MACF1: variants seen among roughly 807,000 people sequenced by gnomAD.
MACF1 encodes microtubule actin crosslinking factor 1, also known as microtubule-actin cross-linking factor 1.
MACF1 carries 193 observed loss-of-function variants against 854.8 expected under a neutral mutation model. The observed-to-expected ratio is 0.23, with a 90% CI of 0.20 to 0.25. The LOEUF (loss-of-function observed/expected upper bound fraction) is 0.25. MACF1 is among the 10% of genes least tolerant of loss of function. The probability of loss-of-function intolerance (pLI) is 1.00; values close to 1 mark genes in which losing one functional copy is unlikely to be tolerated. For missense variants in MACF1, 7,722 were observed against 8,929.1 expected (o/e 0.86, Z 5.45); for synonymous variants, 3,185 against 3,226.7 (o/e 0.99, Z 0.44).
intron 58 of MACF1, among the ~76,000 whole-genome samples, chr1:39,399,563 G>T (rs1006232022): frequency 6.6e-6 from 1 of 151,956 alleles, no homozygotes; most frequent in African/African-American, 2.4e-5. Context: ...TTTTAGTAGA[G>T]ACAGGGTTTC....
chr1:39,114,172 A>G (rs1343189252), intron 2 of MACF1, among the ~76,000 whole-genome samples: 2 of 133,844 alleles, frequency 1.5e-5, no homozygotes, highest in South Asian at 2.6e-4. Flanking sequence ...AAAGCTCTGT[A>G]TACTTTACTG....
intron 62 of MACF1, 45 bp from the exon 63 acceptor site, chr1:39,427,916 A>G: frequency 1.4e-6 from 2 of 1,411,908 alleles, no homozygotes; most frequent in Non-Finnish European, 1.9e-6. Context: ...TTTACTTTTC[A>G]TTTATTTTGT....
At chr1:39,107,535 C>T (rs1305903331) in intron 2 of MACF1, among the ~76,000 whole-genome samples, 1 of 152,088 alleles carries the variant, frequency 6.6e-6, no homozygotes, top group East Asian at 1.9e-4. Flanking sequence ...ATCTCTCTTC[C>T]CCCCACTGCA....
intron 2 of MACF1, among the ~76,000 whole-genome samples, chr1:39,232,754 T>G (rs1191751417): frequency 1.7e-5 from 1 of 58,326 alleles, no homozygotes; most frequent in South Asian, 9.2e-4. Context: ...TTGTTTTTTT[T>G]TTTTTTTTTT....
At chr1:39,468,859 T>C in intron 96 of MACF1, 127 bp downstream of exon 96, 1 of 823,674 alleles carries the variant, frequency 1.2e-6, no homozygotes, top group Non-Finnish European at 2.0e-6. Context: ...CCAGGTGTCA[T>C]CCCACTAGCA....
intron 2 of MACF1, among the ~76,000 whole-genome samples, chr1:39,130,564 C>T (rs1642975915): frequency 6.6e-6 from 1 of 152,150 alleles, no homozygotes; most frequent in African/African-American, 2.4e-5. Flanking sequence ...ATCAAGTTTC[C>T]TGGGTGCGGT....
At position 39,174,756 on chromosome 1, in the gene MACF1, G is replaced by A. The variant is rs573124218; in HGVS notation, c.221-56426G>A. 2.6e-5 allele frequency among the ~76,000 whole-genome samples: 4 copies of A among 152,306 alleles called. No individual in the cohort carries two copies. In the East Asian group the frequency reaches 5.8e-4, roughly 22 times the overall value. ...CCAGGAAAGCTTGAACCAAGGTATAGAGAAAGGGCCCCTGATCCTCCAAAT... is the reference window on the plus strand; with the variant it reads ...CCAGGAAAGCTTGAACCAAGGTATAAAGAAAGGGCCCCTGATCCTCCAAAT... On this transcript the variant is annotated intron_variant, in intron 2 of 93. Coordinates refer to the MACF1 transcript ENST00000361689.
intron 2 of MACF1, among the ~76,000 whole-genome samples, chr1:39,111,061 T>C (rs944730150): frequency 2.0e-5 from 3 of 152,346 alleles, no homozygotes; most frequent in African/African-American, 7.2e-5. Flanking sequence ...TGAGCCATGT[T>C]GTGACTAGGT....
intron 2 of MACF1, among the ~76,000 whole-genome samples, chr1:39,117,533 G>GGTGTGTGTGTGTGT (rs67609869): frequency 5.4e-5 from 8 of 147,726 alleles, no homozygotes; most frequent in African/African-American, 1.3e-4. Flanking sequence ...ACCTGCAAGA[G>GGTGTGTGTGTGTGT]GTGTGTGTGT....
chr1:39,355,816 G>A (rs1280396930), intron 44 of MACF1, among the ~76,000 whole-genome samples: 3 of 152,128 alleles, frequency 2.0e-5, no homozygotes, highest in Non-Finnish European at 4.4e-5. Context: ...AGGCTGAAGT[G>A]CAGTGGTACG....
At chr1:39,306,316 C>T (rs551850206) in intron 23 of MACF1, among the ~76,000 whole-genome samples, 4 of 151,968 alleles carry the variant, frequency 2.6e-5, no homozygotes, top group East Asian at 1.9e-4. Flanking sequence ...TTAGTAGAGA[C>T]GGGGTTTCAC....
chr1:39,306,672 C>T (rs540445741), intron 23 of MACF1, among the ~76,000 whole-genome samples: 4 of 141,124 alleles, frequency 2.8e-5, no homozygotes, highest in South Asian at 4.4e-4. Flanking sequence ...AGTACTGTCT[C>T]TGTGATACGT....
intron 52 of MACF1, among the ~76,000 whole-genome samples, 200 bp from the exon 53 acceptor site, chr1:39,378,261 A>G (rs1388627360): frequency 2.0e-5 from 3 of 152,224 alleles, no homozygotes; most frequent in Non-Finnish European, 4.4e-5. Flanking sequence ...ATTAAGAATC[A>G]TTCCTGCTAA....
chr1:39,364,483 T>C (rs1008331107), intron 49 of MACF1, among the ~76,000 whole-genome samples: 7 of 151,936 alleles, frequency 4.6e-5, no homozygotes, highest in Non-Finnish European at 8.8e-5. Flanking sequence ...TTTTTTGCCA[T>C]GTAAACGTGG....
intron 2 of MACF1, among the ~76,000 whole-genome samples, chr1:39,242,733 C>T (rs1041747902): frequency 5.2e-5 from 3 of 58,252 alleles, no homozygotes; most frequent in Non-Finnish European, 7.5e-5. Context: ...GAGACCCTAT[C>T]TCCAAAAAAA....
intron 52 of MACF1, among the ~76,000 whole-genome samples, chr1:39,376,207 C>T (rs1649707557): frequency 6.6e-6 from 1 of 152,142 alleles, no homozygotes; most frequent in African/African-American, 2.4e-5. Flanking sequence ...CATAATTGAA[C>T]ATGCATGTTT....
At chr1:39,467,491 T>C (rs534454596) in intron 95 of MACF1, among the ~76,000 whole-genome samples, 1 of 152,350 alleles carries the variant, frequency 6.6e-6, no homozygotes, top group South Asian at 2.1e-4. Flanking sequence ...TGCATACTTC[T>C]CTTTTGTTGC....
At chr1:39,111,306 C>G (rs1399072673) in intron 2 of MACF1, among the ~76,000 whole-genome samples, 1 of 152,138 alleles carries the variant, frequency 6.6e-6, no homozygotes, top group Non-Finnish European at 1.5e-5. Context: ...CATGATCCTC[C>G]CATCTCAGCC....
At chr1:39,296,380 T>G (rs1335747) in intron 20 of MACF1, among the ~76,000 whole-genome samples, 131,581 of 151,902 alleles carry the variant, frequency 0.87, 58,383 homozygotes, top group Non-Finnish European at 0.96. Flanking sequence ...TTGATGGGAG[T>G]AGCTGTAAAA....
Sources: gnomAD v4.1 joint callset for allele counts (sites outside exome capture counted in the v4.1 genomes callset) on GRCh38, gnomAD v4.1.1 for gene constraint, MANE v1.5 for transcripts, NCBI Gene and HGNC (gene_info 2026-07-23, HGNC 2026-07-21) for gene names.